The following MADD variants were observed in gnomAD, a reference collection of about 807,000 sequenced individuals.
The protein encoded by MADD is MAP kinase-activating death domain protein.
A neutral mutation model predicts 176.7 loss-of-function variants in MADD; 109 were observed. The ratio of observed to expected loss-of-function variants is 0.62; its 90% confidence interval spans 0.53 to 0.72. The LOEUF (loss-of-function observed/expected upper bound fraction) is 0.72. MADD is among the 30% of genes least tolerant of loss of function. The pLI is 0.00. For missense variants in MADD, 1,914 were observed against 2,045.5 expected (o/e 0.94, Z 1.24); for synonymous variants, 771 against 771.3 (o/e 1.00, Z 0.01).
rs145554787 is a variant in MADD at position 47,274,642 on chromosome 11, C to T, written c.142C>T (p.Leu48=). ...CTTGGAGGATCACACTGAGTTTCCC[C>T]TGCCCCCAGATGTAGTGTTCTTCTG... The change falls in exon 3 of 33, where the codon CTG becomes TTG. Residue 48 remains leucine (L), a synonymous_variant. Transcript: ENST00000402192. The T allele has an allele frequency of 3.3e-5, 54 of 1,614,220 alleles. No individual in the cohort carries two copies. The South Asian group carries it at 5.4e-4, about 16-fold the overall frequency.
At position 47,276,713 on chromosome 11, in the gene MADD, A is replaced by C. The variant is rs1426250605; in HGVS notation, c.964-19A>C. Reference sequence around the variant, plus strand: ...TATTTTATGTTTTGGAGTGATTCTTACTGGATGGCTCATGACAGGTGGTGC... The same window carrying C: ...TATTTTATGTTTTGGAGTGATTCTTCCTGGATGGCTCATGACAGGTGGTGC... On this transcript the variant is annotated intron_variant, in intron 4 of 32. Transcript: ENST00000402192. The C allele has an allele frequency of 6.2e-7, 1 of 1,613,018 alleles. No homozygotes were observed. Among genetic ancestry groups the C allele is most frequent in the Non-Finnish European group, 8.5e-7 (1 of 1,179,352 alleles).
intron 20 of MADD, 132 bp downstream of exon 22, chr11:47,294,115 C>T (rs1304408452): frequency 3.0e-5 from 21 of 703,194 alleles, no homozygotes; most frequent in South Asian, 5.3e-5. Context: ...TTTGGGAGGC[C>T]GAGGCGGGTG....
chr11:47,296,120 AGAAT>A, intron 22 of MADD, 65 bp downstream of exon 24: 1 of 1,563,974 alleles, frequency 6.4e-7, no homozygotes, highest in East Asian at 2.2e-5. Context: ...AGGCAAGAAA[AGAAT>A]GAAAGTTAAG....
At chr11:47,321,817 G>T (rs756137329) in intron 27 of MADD, among the ~76,000 whole-genome samples, 23 of 152,230 alleles carry the variant, frequency 1.5e-4, no homozygotes, top group Middle Eastern at 3.4e-3. Flanking sequence ...TCAGGCTGGG[G>T]CAGCTGGGTG....
At chr11:47,309,125 G>A (rs921673836) in intron 23 of MADD, 83 bp downstream of exon 26, 15 of 1,560,082 alleles carry the variant, frequency 9.6e-6, no homozygotes, top group Non-Finnish European at 1.3e-5. Context: ...TGGGGCTGGT[G>A]GCAGGCATGT....
At chr11:47,326,678 C>T in intron 30 of MADD, 60 bp from the exon 35 acceptor site, 1 of 1,585,510 alleles carries the variant, frequency 6.3e-7, no homozygotes. Context: ...GGAGAGTGTG[C>T]TGTGTGGGGC....
chr11:47,311,764 G>A (rs771498319), exon 26 of MADD: 1 of 1,613,746 alleles, frequency 6.2e-7, no homozygotes, highest in South Asian at 1.1e-5. Flanking sequence ...AGAAGGTGAG[G>A]CGCCTAATGG....
At chr11:47,271,071 A>G (rs990061522) in intron 1 of MADD, 2 of 152,266 alleles carry the variant, frequency 1.3e-5, no homozygotes, top group African/African-American at 4.8e-5. Context: ...TGTGAATCCT[A>G]AATCTACCTC....
intron 22 of MADD, among the ~76,000 whole-genome samples, chr11:47,306,336 A>G (rs1280070871): frequency 6.6e-6 from 1 of 152,166 alleles, no homozygotes; most frequent in African/African-American, 2.4e-5. Context: ...AGCTGTGGCC[A>G]TCTGTCCCCA....
chr11:47,309,402 G>T lies in MADD; in HGVS notation c.3872+1G>T, dbSNP rs757887308. ...AGGGTCCCCAGGAAATGATCGACAG[G>T]TATGGGGCTTAGGAAACCATTGGGA... On this transcript the variant is annotated splice_donor_variant, in intron 24 of 32. Transcript: ENST00000402192. LOFTEE classifies it high-confidence loss of function. 1 of 1,614,204 alleles carries T rather than the reference G, an allele frequency of 6.2e-7. No homozygotes were observed. The highest frequency in any genetic ancestry group is 1.1e-5 in the South Asian group (1 of 91,082).
intron 25 of MADD, among the ~76,000 whole-genome samples, 168 bp from the exon 29 acceptor site, chr11:47,311,564 A>G (rs111288812): frequency 1.6e-4 from 24 of 152,314 alleles, no homozygotes; most frequent in Non-Finnish European, 1.0e-4. Context: ...TCTTCCCCTC[A>G]TGGTGGCAGA....
At chr11:47,291,167 TA>T (rs1456469850) in intron 19 of MADD, among the ~76,000 whole-genome samples, 1 of 152,174 alleles carries the variant, frequency 6.6e-6, no homozygotes, top group Admixed American at 6.5e-5. Context: ...AGGAAGTTTA[TA>T]GATGCATTTT....
chr11:47,309,384 C>T, exon 24 of MADD: 2 of 1,614,122 alleles, frequency 1.2e-6, no homozygotes, highest in African/African-American at 2.7e-5. Flanking sequence ...ACCAGGGTCC[C>T]CAGGAAATGA....
intron 14 of MADD, 127 bp from the exon 15 acceptor site, chr11:47,286,306 A>G (rs759070191): frequency 4.3e-5 from 31 of 717,494 alleles, no homozygotes; most frequent in African/African-American, 7.0e-5. Flanking sequence ...CAGATCAGAG[A>G]TGATCTGATC....
exon 2 of MADD, chr11:47,273,849 C>T: frequency 7.2e-7 from 1 of 1,392,986 alleles, no homozygotes; most frequent in East Asian, 2.3e-5. Flanking sequence ...AGAATTCCTC[C>T]TGGGAATGCT....
At chr11:47,330,002 G>A (rs893852956) in exon 33 of MADD, 2 of 152,720 alleles carry the variant, frequency 1.3e-5, no homozygotes, top group East Asian at 3.8e-4. Flanking sequence ...GTACAGTTGT[G>A]TGAATGTGAA....
intron 10 of MADD, 24 bp from the exon 11 acceptor site, chr11:47,284,153 GT>G (rs1374052324): frequency 1.9e-6 from 3 of 1,540,482 alleles, no homozygotes; most frequent in African/African-American, 2.7e-5. Context: ...TGTTTTGTTT[GT>G]TTTTTATGCA....
exon 33 of MADD, chr11:47,329,423 A>AT (rs1190645457): frequency 4.3e-6 from 2 of 460,780 alleles, no homozygotes; most frequent in African/African-American, 3.9e-5. Flanking sequence ...TGAACCCACT[A>AT]TTTTGTGTCC....
At chr11:47,281,232 G>A (rs1300328617) in intron 7 of MADD, among the ~76,000 whole-genome samples, 1 of 152,164 alleles carries the variant, frequency 6.6e-6, no homozygotes, top group Non-Finnish European at 1.5e-5. Context: ...ATTTCACATA[G>A]ATTCCAATTT....
Sources: gnomAD v4.1 joint callset for allele counts (sites outside exome capture counted in the v4.1 genomes callset) on GRCh38, gnomAD v4.1.1 for gene constraint, MANE v1.5 for transcripts, NCBI Gene and HGNC (gene_info 2026-07-23, HGNC 2026-07-21) for gene names.